The following SAMSN1 variants were observed in gnomAD, a reference collection of about 807,000 sequenced individuals.
SAMSN1 encodes the protein SAM domain, SH3 domain and nuclear localization signals 1, also known as SAM domain-containing protein SAMSN-1.
Under a neutral mutation model 42.0 loss-of-function variants are expected in SAMSN1, and 31 were observed. The observed-to-expected ratio is 0.74, with a 90% confidence interval of 0.55 to 1.00. SAMSN1 has a LOEUF of 1.00. Among genes scored for constraint, SAMSN1 ranks in the 50% least tolerant of loss-of-function variants. SAMSN1 has a pLI of 0.00. For missense variants in SAMSN1, 464 were observed against 439.4 expected, an observed-to-expected ratio of 1.06 and a Z score of -0.50; for synonymous variants, 178 against 151.9, an observed-to-expected ratio of 1.17 and a Z score of -1.26.
chr21:14,519,174 T>C (rs1278777322), intron 2 of SAMSN1, among the ~76,000 whole-genome samples: 1 of 152,186 alleles, frequency 6.6e-6, no homozygotes, highest in Non-Finnish European at 1.5e-5. Context: ...AGGCATGAAG[T>C]AAGGATTTTC....
intron 2 of SAMSN1, among the ~76,000 whole-genome samples, chr21:14,641,090 T>C (rs926943061): frequency 6.6e-6 from 1 of 152,132 alleles, no homozygotes; most frequent in Non-Finnish European, 1.5e-5. Flanking sequence ...GTGAAAATGC[T>C]TATGAACAAT....
chr21:14,600,493 A>T (rs1982400313), intron 6 of SAMSN1, among the ~76,000 whole-genome samples: 1 of 152,212 alleles, frequency 6.6e-6, no homozygotes, highest in Admixed American at 6.5e-5. Context: ...CTTTAGTGAT[A>T]CACTACATGT....
At chr21:14,522,259 CTTAAACATATTTTAAAATTCT>C (rs1404019668) in intron 1 of SAMSN1, among the ~76,000 whole-genome samples, 4 of 152,122 alleles carry the variant, frequency 2.6e-5, no homozygotes, top group Non-Finnish European at 5.9e-5. Flanking sequence ...AAATGAATCC[CTTAAACATATTTTAAAATTCT>C]TTTGAGTCAT....
At chr21:14,528,977 G>T (rs142207551) in intron 1 of SAMSN1, among the ~76,000 whole-genome samples, 1 of 152,116 alleles carries the variant, frequency 6.6e-6, no homozygotes, top group African/African-American at 2.4e-5. Flanking sequence ...GAGAACTGAG[G>T]CTCAGAGTGT....
chr21:14,490,200 C>T (rs1381644635), intron 7 of SAMSN1, among the ~76,000 whole-genome samples: 3 of 151,974 alleles, frequency 2.0e-5, no homozygotes, highest in South Asian at 4.1e-4. Context: ...AAATTCCTGG[C>T]TAAAGGAATC....
chr21:14,506,468 G>C (rs1241153673), intron 5 of SAMSN1, among the ~76,000 whole-genome samples: 1 of 152,028 alleles, frequency 6.6e-6, no homozygotes, highest in Non-Finnish European at 1.5e-5. Context: ...TTCCTGGAAA[G>C]ATACAACTCT....
chr21:14,546,733 G>C (rs1057249794), upstream of SAMSN1, among the ~76,000 whole-genome samples: 1 of 150,402 alleles, frequency 6.6e-6, no homozygotes, highest in Non-Finnish European at 1.5e-5. Flanking sequence ...TTTTTGATAC[G>C]GAATCTCACT....
intron 2 of SAMSN1, among the ~76,000 whole-genome samples, chr21:14,557,775 T>G (rs1980811367): frequency 1.3e-5 from 2 of 152,336 alleles, no homozygotes; most frequent in African/African-American, 2.4e-5. Context: ...CCTTTCTTTC[T>G]CTGATCTGGT....
chr21:14,613,614 T>C (rs1982764712), intron 3 of SAMSN1, among the ~76,000 whole-genome samples: 1 of 152,190 alleles, frequency 6.6e-6, no homozygotes, highest in Admixed American at 6.5e-5. Flanking sequence ...TTTTGTTAAT[T>C]TTTTGTTTCC....
chr21:14,635,458 T>A (rs943988773), intron 2 of SAMSN1, among the ~76,000 whole-genome samples: 5 of 152,216 alleles, frequency 3.3e-5, no homozygotes, highest in Non-Finnish European at 7.3e-5. Flanking sequence ...AATCTAAGGC[T>A]GAGTTGTCAA....
intron 1 of SAMSN1, among the ~76,000 whole-genome samples, chr21:14,645,480 T>C (rs1446153444): frequency 2.6e-5 from 4 of 152,242 alleles, no homozygotes; most frequent in African/African-American, 4.8e-5. Context: ...CTAAAGCAGA[T>C]ACAGCTTAGA....
At position 14,500,697 on chromosome 21, in the gene SAMSN1, C is replaced by T; in HGVS notation, c.600G>A (p.Met200Ile). The change falls in exon 6 of 8, where the codon ATG becomes ATA. Residue 200 changes from methionine to isoleucine, a missense_variant. Physicochemically the swap from Met to Ile is conservative, Grantham distance 10. Transcript: ENST00000400566. ...DIIDIICKTP[M>I]GMWTGMLNNK... is the part of the protein sequence containing the mutation. ...TGTTCAACATTCCTGTCCACATCCC[C>T]ATTGGTGTTTTGCAAATAATGTCTA... 2 of 1,614,084 alleles carry T rather than the reference C, an allele frequency of 1.2e-6. No individual in the cohort carries two copies. Among genetic ancestry groups the T allele is most frequent in the South Asian group, 1.1e-5 (1 of 91,080 alleles).
chr21:14,562,078 A>G (rs780122684), intron 2 of SAMSN1, among the ~76,000 whole-genome samples: 28 of 152,232 alleles, frequency 1.8e-4, no homozygotes, highest in Non-Finnish European at 4.1e-4. Flanking sequence ...GAAAACCAAT[A>G]TACTATGCTC....
chr21:14,658,768 T>C, exon 1 of SAMSN1: 1 of 715,586 alleles, frequency 1.4e-6, no homozygotes, highest in Non-Finnish European at 2.6e-6. Flanking sequence ...CAGAAAAGAT[T>C]CATTTTGACC....
At chr21:14,590,536 G>C (rs544231431) in intron 7 of SAMSN1, among the ~76,000 whole-genome samples, 19 of 152,212 alleles carry the variant, frequency 1.2e-4, no homozygotes, top group African/African-American at 3.9e-4. Flanking sequence ...TCCTGCTTCA[G>C]CCTCCCAAAG....
At chr21:14,520,723 C>T (rs963450840) in intron 2 of SAMSN1, among the ~76,000 whole-genome samples, 2 of 152,098 alleles carry the variant, frequency 1.3e-5, no homozygotes, top group South Asian at 2.1e-4. Flanking sequence ...ATAATGCCCA[C>T]CTGTGCACTG....
chr21:14,515,859 G>T (rs1987889808), intron 3 of SAMSN1, among the ~76,000 whole-genome samples: 1 of 152,232 alleles, frequency 6.6e-6, no homozygotes, highest in Admixed American at 6.5e-5. Flanking sequence ...TCTCCACAAA[G>T]ATAGATAAAT....
At chr21:14,554,413 T>G (rs962303673) in intron 2 of SAMSN1, among the ~76,000 whole-genome samples, 12 of 152,158 alleles carry the variant, frequency 7.9e-5, no homozygotes, top group Non-Finnish European at 1.8e-4. Context: ...CACTAGATAG[T>G]AACAAGCAAA....
intron 6 of SAMSN1, among the ~76,000 whole-genome samples, chr21:14,595,099 G>A (rs950513977): frequency 6.6e-6 from 1 of 152,138 alleles, no homozygotes; most frequent in African/African-American, 2.4e-5. Flanking sequence ...CATGAGAACA[G>A]CTCCAATGGG....
Sources: gnomAD v4.1 joint callset for allele counts (sites outside exome capture counted in the v4.1 genomes callset) on GRCh38, gnomAD v4.1.1 for gene constraint, MANE v1.5 for transcripts, NCBI Gene and HGNC (gene_info 2026-07-23, HGNC 2026-07-21) for gene names.